Variants in MIA2 observed in about 807,000 individuals in gnomAD.
MIA2 encodes MIA SH3 domain ER export factor 2, also known as melanoma inhibitory activity protein 2.
MIA2 carries 127 observed loss-of-function variants against 167.8 expected under a neutral mutation model. The ratio of observed to expected loss-of-function variants is 0.76; its 90% CI spans 0.66 to 0.88. The LOEUF is 0.88. Ranked by LOEUF, MIA2 falls within the 40% of genes least tolerant of loss-of-function variation. The pLI, the probability that MIA2 is intolerant of heterozygous loss-of-function variation, is 0.00. For synonymous variants in MIA2, 552 were observed against 541.9 expected (o/e 1.02, Z -0.26); for missense variants, 1,690 against 1,624.7 (o/e 1.04, Z -0.69).
chr14:39,334,694 G>A (rs1229200944), intron 25 of MIA2, among the ~76,000 whole-genome samples: 1 of 151,242 alleles, frequency 6.6e-6, no homozygotes, highest in Non-Finnish European at 1.5e-5. Flanking sequence ...ATCCTCCCGA[G>A]TACCCGGGAT....
At position 39,346,039 on chromosome 14, in the gene MIA2, T is replaced by C. The variant is rs749766227; in HGVS notation, c.3778+13T>C. 2 of 1,607,750 alleles carry C rather than the reference T, an allele frequency of 1.2e-6. No individual in the cohort carries two copies. Among genetic ancestry groups the C allele is most frequent in the South Asian group, 2.2e-5 (2 of 90,214 alleles). The stretch of plus-strand genomic sequence containing the variant: ...TTGGATAAAATGGGTAAGAAGTACT[T>C]TGTGCTTTTCTTCTTTAAAAATTTT... On this transcript the variant is annotated intron_variant, in intron 26 of 28. Coordinates refer to ENST00000640607, the MANE Select transcript of MIA2 (RefSeq NM_001329214.4).
chr14:39,349,765 A>G (rs2074131762), intron 28 of MIA2, among the ~76,000 whole-genome samples: 1 of 152,210 alleles, frequency 6.6e-6, no homozygotes, highest in Non-Finnish European at 1.5e-5. Context: ...AAATTATATT[A>G]CATGCAGATG....
intron 25 of MIA2, among the ~76,000 whole-genome samples, chr14:39,344,724 A>G (rs1207870932): frequency 1.3e-5 from 2 of 152,178 alleles, no homozygotes; most frequent in Non-Finnish European, 2.9e-5. Flanking sequence ...GGATAGGGGA[A>G]AGTTACACAA....
At chr14:39,257,137 C>T (rs558544275) in intron 6 of MIA2, among the ~76,000 whole-genome samples, 2 of 152,080 alleles carry the variant, frequency 1.3e-5, no homozygotes, top group African/African-American at 4.8e-5. Flanking sequence ...CCTGAATAAC[C>T]TTGTTAATTT....
intron 25 of MIA2, among the ~76,000 whole-genome samples, chr14:39,335,961 A>G (rs1351887247): frequency 1.3e-5 from 2 of 152,162 alleles, no homozygotes; most frequent in East Asian, 1.9e-4. Context: ...GCTGTGTAGT[A>G]TTCTATGGTG....
At chr14:39,359,598 G>A (rs971126082) in intron 23 of MIA2, among the ~76,000 whole-genome samples, 6 of 152,240 alleles carry the variant, frequency 3.9e-5, no homozygotes, top group Non-Finnish European at 8.8e-5. Context: ...AGATGAACCC[G>A]GTACCTCTAT....
intron 23 of MIA2, among the ~76,000 whole-genome samples, chr14:39,373,475 A>G (rs2074989814): frequency 6.6e-6 from 1 of 152,244 alleles, no homozygotes; most frequent in Admixed American, 6.5e-5. Context: ...AGAGCAGAGC[A>G]TTATGAAACA....
At chr14:39,372,814 C>T (rs1403531694) in intron 23 of MIA2, among the ~76,000 whole-genome samples, 1 of 152,168 alleles carries the variant, frequency 6.6e-6, no homozygotes, top group Non-Finnish European at 1.5e-5. Flanking sequence ...TGTAACATAT[C>T]TGGAGTACTT....
At chr14:39,267,433 G>C (rs1566630686) in intron 6 of MIA2, 1 of 1,611,266 alleles carries the variant, frequency 6.2e-7, no homozygotes, top group South Asian at 1.1e-5. Flanking sequence ...GGGTTACTGT[G>C]GCGACCACGA....
At chr14:39,323,392 A>G (rs572999157) in intron 24 of MIA2, among the ~76,000 whole-genome samples, 1 of 152,162 alleles carries the variant, frequency 6.6e-6, no homozygotes, top group East Asian at 1.9e-4. Flanking sequence ...CAGGAAAGAG[A>G]CTGATTTTGA....
intron 22 of MIA2, among the ~76,000 whole-genome samples, chr14:39,318,712 T>C (rs1187466994): frequency 6.6e-6 from 1 of 152,162 alleles, no homozygotes; most frequent in South Asian, 2.1e-4. Context: ...ACGAGTAAGA[T>C]AGTAGGACAA....
chr14:39,358,882 C>T (rs1349887801), intron 23 of MIA2, among the ~76,000 whole-genome samples: 2 of 152,130 alleles, frequency 1.3e-5, no homozygotes, highest in African/African-American at 2.4e-5. Flanking sequence ...TGGTGAACAG[C>T]CAATGTTGCT....
chr14:39,386,017 T>C (rs564338894), intron 23 of MIA2: 2 of 970,796 alleles, frequency 2.1e-6, no homozygotes, highest in East Asian at 4.8e-5. Flanking sequence ...ACCTACAGTC[T>C]GTCATGACAA....
chr14:39,271,832 A>C (rs912028304), intron 6 of MIA2, among the ~76,000 whole-genome samples: 1 of 151,804 alleles, frequency 6.6e-6, no homozygotes, highest in African/African-American at 2.4e-5. Flanking sequence ...AGGCATGCGG[A>C]CCCCAGAGAG....
At chr14:39,377,924 G>T (rs1352754948) in intron 23 of MIA2, among the ~76,000 whole-genome samples, 2 of 152,086 alleles carry the variant, frequency 1.3e-5, no homozygotes, top group African/African-American at 4.8e-5. Flanking sequence ...AGAAAACTTG[G>T]GGTTCCTGGG....
intron 28 of MIA2, 99 bp downstream of exon 28, chr14:39,349,076 AG>A: frequency 7.3e-7 from 1 of 1,360,780 alleles, no homozygotes; most frequent in Non-Finnish European, 1.0e-6. Context: ...AGTGGAGGAA[AG>A]TTTTTTCTAG....
intron 25 of MIA2, among the ~76,000 whole-genome samples, chr14:39,343,522 T>G (rs1422402291): frequency 6.6e-6 from 1 of 152,190 alleles, no homozygotes; most frequent in Non-Finnish European, 1.5e-5. Context: ...AGTAGCTGAT[T>G]TCTGCAGTAT....
chr14:39,368,311 CT>C (rs1237176497), intron 23 of MIA2, among the ~76,000 whole-genome samples: 2 of 152,162 alleles, frequency 1.3e-5, no homozygotes, highest in African/African-American at 2.4e-5. Context: ...CTTAGTGCAT[CT>C]CTGAGAAAGT....
intron 3 of MIA2, among the ~76,000 whole-genome samples, chr14:39,241,265 A>G (rs1272969890): frequency 1.3e-5 from 2 of 152,160 alleles, no homozygotes; most frequent in African/African-American, 4.8e-5. Context: ...AGCTCATTTA[A>G]TTCAGATTCT....
Sources: allele counts gnomAD v4.1 joint callset (sites outside exome capture counted in the v4.1 genomes callset), GRCh38; gene constraint gnomAD v4.1.1; transcripts MANE v1.5; gene names NCBI Gene and HGNC (gene_info 2026-07-23, HGNC 2026-07-21).